TENM4: variants seen among roughly 807,000 people sequenced by gnomAD.
The protein encoded by TENM4 is teneurin transmembrane protein 4.
TENM4 carries 82 observed loss-of-function variants against 243.3 expected under a neutral mutation model. The ratio of observed to expected loss-of-function variants is 0.34; its 90% CI spans 0.28 to 0.40. The LOEUF is 0.40. TENM4 is among the 10% of genes least tolerant of loss of function. The pLI is 1.00. For missense variants in TENM4, 3,138 were observed against 3,673.3 expected, an observed-to-expected ratio of 0.85 and a Z score of 3.77; for synonymous variants, 1,412 against 1,456.3, an observed-to-expected ratio of 0.97 and a Z score of 0.69.
At chr11:79,006,291 A>G (rs1001620123) in intron 6 of TENM4, among the ~76,000 whole-genome samples, 2 of 152,140 alleles carry the variant, frequency 1.3e-5, no homozygotes, top group African/African-American at 4.8e-5. Context: ...CACCTTACCT[A>G]TTGGGATACC....
chr11:79,214,215 G>A (rs768076766), intron 3 of TENM4, among the ~76,000 whole-genome samples: 10 of 152,076 alleles, frequency 6.6e-5, no homozygotes, highest in South Asian at 4.2e-4. Flanking sequence ...GGCTGGTCTC[G>A]AACTCCTGAC....
chr11:78,832,687 A>T (rs1177293513), intron 12 of TENM4, among the ~76,000 whole-genome samples: 1 of 152,220 alleles, frequency 6.6e-6, no homozygotes, highest in African/African-American at 2.4e-5. Context: ...AATCCTCGTA[A>T]TAAGGGCAGG....
At chr11:79,002,114 A>G (rs1357639961) in intron 6 of TENM4, among the ~76,000 whole-genome samples, 1 of 150,266 alleles carries the variant, frequency 6.7e-6, no homozygotes, top group Non-Finnish European at 1.5e-5. Context: ...CCACTGATAC[A>G]TGGGTACCTG....
intron 3 of TENM4, among the ~76,000 whole-genome samples, chr11:79,206,344 G>A (rs1219499000): frequency 1.3e-5 from 2 of 152,230 alleles, no homozygotes; most frequent in Admixed American, 6.5e-5. Flanking sequence ...AACAGAGACT[G>A]CCTATTGGAA....
intron 1 of TENM4, among the ~76,000 whole-genome samples, chr11:79,305,901 C>T (rs76590862): frequency 0.024 from 3,685 of 152,298 alleles, 133 homozygotes; most frequent in African/African-American, 0.083. Context: ...CTGGCCACAG[C>T]AGCCCAAATC....
intron 6 of TENM4, among the ~76,000 whole-genome samples, chr11:78,950,609 T>C (rs1478250912): frequency 6.6e-6 from 1 of 152,140 alleles, no homozygotes; most frequent in African/African-American, 2.4e-5. Context: ...CTCTGTTGAG[T>C]AAAACACTAA....
intron 6 of TENM4, among the ~76,000 whole-genome samples, chr11:78,907,285 AC>A (rs1386782782): frequency 2.0e-5 from 3 of 149,344 alleles, no homozygotes. Context: ...AGGAGGGAAG[AC>A]AGAGGTGAGA....
intron 13 of TENM4, 139 bp from the exon 14 acceptor site, chr11:78,812,455 TG>T (rs1323354348): frequency 1.0e-6 from 1 of 991,654 alleles, no homozygotes; most frequent in East Asian, 2.6e-5. Context: ...TGTGCCCATC[TG>T]TCTTCTTCTC....
chr11:79,190,397 T>A (rs569296112), intron 3 of TENM4, among the ~76,000 whole-genome samples: 3 of 152,210 alleles, frequency 2.0e-5, no homozygotes, highest in Non-Finnish European at 4.4e-5. Flanking sequence ...ACCTTGTAAA[T>A]GGCAAATGTC....
chr11:78,674,010 C>T (rs1858401282), intron 30 of TENM4, among the ~76,000 whole-genome samples: 1 of 152,154 alleles, frequency 6.6e-6, no homozygotes, highest in Non-Finnish European at 1.5e-5. Context: ...GATACAGGGG[C>T]TGTGCCACCA....
In TENM4 at chr11:79,399,536, G is replaced by T. The variant is rs139743877; in HGVS notation, c.-321+40973C>A. On this transcript the variant is annotated intron_variant, in intron 1 of 33. Coordinates refer to ENST00000278550, the MANE Select transcript of TENM4 (RefSeq NM_001098816.3). ...TAAAATTAGAGAGGAACTTGGAGGC[G>T]ATCTTGTCCAAGATGCTACTCAAAG... Among the ~76,000 whole-genome samples the T allele has an allele frequency of 7.4e-4, 113 of 152,226 alleles. 3 individuals are homozygous for T. The South Asian group carries it at 0.023, about 31-fold the overall frequency.
chr11:79,107,035 C>T (rs1861387853), intron 4 of TENM4, among the ~76,000 whole-genome samples: 1 of 152,154 alleles, frequency 6.6e-6, no homozygotes, highest in Non-Finnish European at 1.5e-5. Flanking sequence ...GAGCTTGCTT[C>T]ATCATCAGTA....
chr11:78,929,263 G>C (rs1856619732), intron 6 of TENM4, among the ~76,000 whole-genome samples: 1 of 152,168 alleles, frequency 6.6e-6, no homozygotes, highest in Admixed American at 6.5e-5. Flanking sequence ...GGTTGAAATA[G>C]GACAAAGCAA....
chr11:79,074,276 G>GAAAGA (rs1037847015), intron 4 of TENM4, among the ~76,000 whole-genome samples: 5 of 152,146 alleles, frequency 3.3e-5, no homozygotes, highest in African/African-American at 1.2e-4. Context: ...AGGTTGGGGT[G>GAAAGA]AAAGAGGAGT....
intron 22 of TENM4, among the ~76,000 whole-genome samples, chr11:78,727,398 T>G (rs888153363): frequency 2.7e-5 from 4 of 148,740 alleles, no homozygotes; most frequent in Non-Finnish European, 5.9e-5. Context: ...AGTGAGCCAC[T>G]GCATTCCATC....
chr11:79,375,485 T>C (rs1279078838), intron 1 of TENM4, among the ~76,000 whole-genome samples: 1 of 152,202 alleles, frequency 6.6e-6, no homozygotes, highest in Non-Finnish European at 1.5e-5. Context: ...ATTTAAAAAA[T>C]GCACTGAAAA....
At chr11:79,141,482 G>A (rs1487339664) in intron 4 of TENM4, among the ~76,000 whole-genome samples, 2 of 152,030 alleles carry the variant, frequency 1.3e-5, no homozygotes, top group Non-Finnish European at 2.9e-5. Flanking sequence ...CAAGTAATGA[G>A]ACTGAAGCCA....
At chr11:78,661,296 GT>G (rs1279474759) in intron 33 of TENM4, among the ~76,000 whole-genome samples, 152 bp downstream of exon 33, 2 of 152,200 alleles carry the variant, frequency 1.3e-5, no homozygotes, top group Non-Finnish European at 2.9e-5. Flanking sequence ...CTAGTGGTGG[GT>G]TACTAAGTAG....
intron 4 of TENM4, among the ~76,000 whole-genome samples, chr11:79,117,010 C>T (rs1451400882): frequency 6.6e-6 from 1 of 152,168 alleles, no homozygotes; most frequent in Non-Finnish European, 1.5e-5. Context: ...GTCATTCTTA[C>T]CACAGCTACT....
Sources: allele counts gnomAD v4.1 joint callset (sites outside exome capture counted in the v4.1 genomes callset), GRCh38; gene constraint gnomAD v4.1.1; transcripts MANE v1.5; gene names NCBI Gene and HGNC (gene_info 2026-07-23, HGNC 2026-07-21).